The following P2RY8 variants were observed in gnomAD, a reference collection of about 807,000 sequenced individuals.
P2RY8 encodes the protein P2Y receptor family member 8, also known as S-geranylgeranyl-glutathione receptor P2RY8.
P2RY8 carries 6 observed loss-of-function variants against 10.0 expected under a neutral mutation model. The ratio of observed to expected loss-of-function variants is 0.60; its 90% CI spans 0.33 to 1.19. The LOEUF is 1.19. Among genes scored for constraint, P2RY8 ranks in the 50% most tolerant of loss-of-function variants. The probability of loss-of-function intolerance (pLI) is 0.04; values close to 1 mark genes in which losing one functional copy is unlikely to be tolerated. For missense variants in P2RY8, 456 were observed against 542.0 expected, an observed-to-expected ratio of 0.84 and a Z score of 1.58; for synonymous variants, 276 against 252.5, an observed-to-expected ratio of 1.09 and a Z score of -0.88.
intron 1 of P2RY8, among the ~76,000 whole-genome samples, chrX:1,510,308 G>T (rs1397725717): frequency 6.6e-6 from 1 of 152,104 alleles, no homozygotes; most frequent in African/African-American, 2.4e-5. Context: ...GAGTAGCTGC[G>T]AGGAACACCA....
intron 1 of P2RY8, among the ~76,000 whole-genome samples, chrX:1,509,785 T>TATC: frequency 1.8e-5 from 1 of 56,246 alleles, no homozygotes; most frequent in African/African-American, 6.4e-5. Context: ...ATCTATCATC[T>TATC]ATGTATCCAT....
chrX:1,516,149 G>T (rs765884196), intron 1 of P2RY8, among the ~76,000 whole-genome samples: 2 of 151,162 alleles, frequency 1.3e-5, no homozygotes, highest in African/African-American at 2.4e-5. Context: ...GTGAGCGGAG[G>T]TTGCACCACT....
At chrX:1,468,127 G>A (rs1379757368) in intron 1 of P2RY8, among the ~76,000 whole-genome samples, 1 of 133,394 alleles carries the variant, frequency 7.5e-6, no homozygotes, top group East Asian at 2.2e-4. Context: ...CTGTAGACAT[G>A]GGGTTTGGCT....
chrX:1,468,039 C>A (rs1182274588), intron 1 of P2RY8, among the ~76,000 whole-genome samples: 1 of 152,068 alleles, frequency 6.6e-6, no homozygotes, highest in Non-Finnish European at 1.5e-5. Context: ...TGGTCTCAAA[C>A]TCCTGGCCTC....
At chrX:1,509,222 TCTATTTATCTC>T (rs2092271099) in intron 1 of P2RY8, among the ~76,000 whole-genome samples, 2 of 146,262 alleles carry the variant, frequency 1.4e-5, no homozygotes, top group African/African-American at 5.0e-5. Flanking sequence ...TAGCCATCCA[TCTATTTATCTC>T]TCTATCATCT....
At chrX:1,471,596 C>T (rs1476436610) in intron 1 of P2RY8, among the ~76,000 whole-genome samples, 5 of 152,076 alleles carry the variant, frequency 3.3e-5, no homozygotes, top group Middle Eastern at 3.4e-3. Flanking sequence ...TGTGAGCCAC[C>T]GCGCCTGGCG....
intron 1 of P2RY8, among the ~76,000 whole-genome samples, chrX:1,481,565 G>A (rs1403525678): frequency 1.1e-5 from 1 of 92,288 alleles, no homozygotes. Flanking sequence ...GGGTTTAGGA[G>A]AGTCCAGCTT....
At chrX:1,528,202 C>T (rs1401980316) in intron 1 of P2RY8, among the ~76,000 whole-genome samples, 4 of 152,220 alleles carry the variant, frequency 2.6e-5, no homozygotes, top group African/African-American at 7.2e-5. Context: ...TGGACAACAG[C>T]GCCTTCACTG....
chrX:1,496,234 C>T (rs1437992544), intron 1 of P2RY8, among the ~76,000 whole-genome samples: 1 of 152,182 alleles, frequency 6.6e-6, no homozygotes, highest in Non-Finnish European at 1.5e-5. Flanking sequence ...ACTTGGGTAC[C>T]ACTGGCTTCT....
At chrX:1,492,206 G>A (rs1377571037) in intron 1 of P2RY8, among the ~76,000 whole-genome samples, 1 of 152,062 alleles carries the variant, frequency 6.6e-6, no homozygotes, top group Non-Finnish European at 1.5e-5. Context: ...CACTGAAGAT[G>A]GGGGTGTGTG....
intron 1 of P2RY8, among the ~76,000 whole-genome samples, chrX:1,525,937 C>T (rs2092437012): frequency 6.6e-6 from 1 of 152,114 alleles, no homozygotes; most frequent in Admixed American, 6.5e-5. Flanking sequence ...TCCATTCAGT[C>T]ATCCATCCAC....
intron 1 of P2RY8, among the ~76,000 whole-genome samples, chrX:1,500,804 A>C (rs1473831261): frequency 3.3e-5 from 5 of 152,010 alleles, no homozygotes; most frequent in African/African-American, 1.2e-4. Flanking sequence ...CGCCACCCCC[A>C]GCCCTGTTTG....
intron 1 of P2RY8, among the ~76,000 whole-genome samples, chrX:1,516,929 T>C (rs1439162716): frequency 1.3e-5 from 2 of 151,262 alleles, no homozygotes; most frequent in African/African-American, 4.9e-5. Context: ...GTCTGTTGTG[T>C]ATAAGCCACG....
At chrX:1,503,784 A>G (rs1286961611) in intron 1 of P2RY8, among the ~76,000 whole-genome samples, 1 of 152,104 alleles carries the variant, frequency 6.6e-6, no homozygotes, top group African/African-American at 2.4e-5. Context: ...AGTCCCAGCT[A>G]ATCAGGAGGC....
chrX:1,531,502 C>A (rs2092475411), intron 1 of P2RY8, among the ~76,000 whole-genome samples: 2 of 152,136 alleles, frequency 1.3e-5, no homozygotes, highest in Non-Finnish European at 2.9e-5. Flanking sequence ...CTCAGCCCAC[C>A]CCCAGCTCAT....
chrX:1,466,608 A>G, intron 1 of P2RY8, 26 bp from the exon 2 acceptor site: 2 of 1,562,934 alleles, frequency 1.3e-6, no homozygotes, highest in Non-Finnish European at 1.7e-6. Flanking sequence ...GGAAGGGTGT[A>G]CGGGTCAGGG....
intron 1 of P2RY8, among the ~76,000 whole-genome samples, chrX:1,476,017 A>C (rs2091868802): frequency 6.6e-6 from 1 of 152,230 alleles, no homozygotes; most frequent in African/African-American, 2.4e-5. Context: ...GCAGGGGCCA[A>C]GACATCTTCT....
At chrX:1,467,131 G>A (rs1400850987) in intron 1 of P2RY8, among the ~76,000 whole-genome samples, 1 of 152,068 alleles carries the variant, frequency 6.6e-6, no homozygotes, top group Non-Finnish European at 1.5e-5. Flanking sequence ...GTATTAGTCT[G>A]GGTATGAGTC....
rs771792758 is a variant in P2RY8 at position 1,502,851 on chromosome X, G to A, written c.-25+34070C>T. On this transcript the variant is annotated intron_variant, in intron 1 of 1. Transcript: ENST00000381297. ...GGAATGACGCGGCCACAAGCCCAGG[G>A]ATGCCTGGAGCCCCCAGGAGCTGGG... Among the ~76,000 whole-genome samples, 185 of 151,054 alleles carry A rather than the reference G, an allele frequency of 1.2e-3. 2 individuals carry two copies. The highest frequency in any genetic ancestry group is 4.4e-3 in the African/African-American group (181 of 41,078).
Sources: gnomAD v4.1 joint callset for allele counts (sites outside exome capture counted in the v4.1 genomes callset) on GRCh38, gnomAD v4.1.1 for gene constraint, MANE v1.5 for transcripts, NCBI Gene and HGNC (gene_info 2026-07-23, HGNC 2026-07-21) for gene names.